Variants in XKR4 observed in about 807,000 individuals in gnomAD.
XKR4 encodes XK related 4.
In XKR4, 12 loss-of-function variants were observed where a neutral mutation model predicts 53.9. The observed-to-expected ratio is 0.22, with a 90% CI of 0.14 to 0.36. The LOEUF (loss-of-function observed/expected upper bound fraction) is 0.36. Ranked by LOEUF, XKR4 falls within the 10% of genes least tolerant of loss-of-function variation. The pLI is 1.00. For synonymous variants in XKR4, 354 were observed against 362.4 expected, an observed-to-expected ratio of 0.98 and a Z score of 0.26; for missense variants, 799 against 859.5, an observed-to-expected ratio of 0.93 and a Z score of 0.88.
intron 1 of XKR4, among the ~76,000 whole-genome samples, chr8:55,264,689 A>C (rs1818574009): frequency 6.6e-6 from 1 of 152,254 alleles, no homozygotes; most frequent in Non-Finnish European, 1.5e-5. Context: ...CTTAAGGCAG[A>C]AACCCTCACA....
At chr8:55,171,982 G>A (rs146556655) in intron 1 of XKR4, among the ~76,000 whole-genome samples, 148 of 152,188 alleles carry the variant, frequency 9.7e-4, no homozygotes, top group African/African-American at 3.3e-3. Flanking sequence ...CCCTGGCCGA[G>A]GCAGGCAGAT....
intron 1 of XKR4, among the ~76,000 whole-genome samples, chr8:55,175,258 A>T (rs182159210): frequency 1.3e-5 from 2 of 152,344 alleles, no homozygotes; most frequent in Non-Finnish European, 2.9e-5. Context: ...AGATATTTTA[A>T]TGAGAAGCTT....
intron 1 of XKR4, among the ~76,000 whole-genome samples, chr8:55,211,201 CAGTT>C (rs1292682586): frequency 3.3e-5 from 5 of 152,198 alleles, no homozygotes; most frequent in Non-Finnish European, 7.3e-5. Flanking sequence ...AACTATTAGT[CAGTT>C]AGAGACAATT....
At chr8:55,224,225 T>C (rs1817922871) in intron 1 of XKR4, among the ~76,000 whole-genome samples, 1 of 152,188 alleles carries the variant, frequency 6.6e-6, no homozygotes, top group African/African-American at 2.4e-5. Flanking sequence ...TCATTTTCCC[T>C]GAGATATTAA....
chr8:55,512,838 C>G (rs994100731), intron 2 of XKR4, among the ~76,000 whole-genome samples: 2 of 152,078 alleles, frequency 1.3e-5, no homozygotes, highest in Admixed American at 6.5e-5. Context: ...AGAAACTCTC[C>G]CACCACAGGT....
intron 2 of XKR4, chr8:55,453,364 G>A (rs1189934618): frequency 1.3e-5 from 6 of 462,106 alleles, no homozygotes; most frequent in Admixed American, 9.5e-5. Context: ...GCACATGCAG[G>A]TACAGTTCCC....
At chr8:55,398,082 C>A (rs987645800) in intron 2 of XKR4, among the ~76,000 whole-genome samples, 1 of 152,192 alleles carries the variant, frequency 6.6e-6, no homozygotes, top group African/African-American at 2.4e-5. Context: ...TTTTTATATA[C>A]AGAATAAAAC....
chr8:55,213,737 T>A (rs1456271469), intron 1 of XKR4, among the ~76,000 whole-genome samples: 1 of 152,038 alleles, frequency 6.6e-6, no homozygotes, highest in East Asian at 1.9e-4. Context: ...AGGTTAGAAG[T>A]AAGATGGACT....
intron 2 of XKR4, chr8:55,451,368 G>T: frequency 1.4e-6 from 1 of 700,610 alleles, no homozygotes; most frequent in Non-Finnish European, 2.5e-6. Flanking sequence ...GACTCCCCAC[G>T]TGGGCTGAGG....
chr8:55,221,833 G>C (rs1288254187), intron 1 of XKR4, among the ~76,000 whole-genome samples: 1 of 152,158 alleles, frequency 6.6e-6, no homozygotes, highest in African/African-American at 2.4e-5. Flanking sequence ...TGACACCAAT[G>C]GTTGGACACT....
intron 1 of XKR4, among the ~76,000 whole-genome samples, chr8:55,149,632 G>A (rs940692738): frequency 3.3e-4 from 50 of 152,222 alleles, no homozygotes; most frequent in African/African-American, 1.1e-3. Context: ...TGGGAAGAGC[G>A]TTTCAGAAGA....
At chr8:55,326,726 C>T (rs975066258) in intron 1 of XKR4, among the ~76,000 whole-genome samples, 2 of 151,906 alleles carry the variant, frequency 1.3e-5, no homozygotes, top group African/African-American at 4.8e-5. Context: ...TCACCTCGGC[C>T]TCCCAAAGTG....
At chr8:55,164,479 C>T (rs1232357842) in intron 1 of XKR4, 1 of 455,908 alleles carries the variant, frequency 2.2e-6, no homozygotes, top group South Asian at 1.5e-5. Flanking sequence ...TGGGTATTCT[C>T]CACAGCTGCA....
At chr8:55,488,663 G>GAGGTTAGGGGGCTGACAAGGATGAATA (rs142653320) in intron 2 of XKR4, among the ~76,000 whole-genome samples, 8 of 63,570 alleles carry the variant, frequency 1.3e-4, no homozygotes, top group African/African-American at 3.2e-4. Flanking sequence ...ATGGTGGCCG[G>GAGGTTAGGGGGCTGACAAGGATGAATA]GCGCGGTGGC....
intron 1 of XKR4, among the ~76,000 whole-genome samples, chr8:55,206,375 A>C (rs1244920492): frequency 2.6e-5 from 4 of 152,102 alleles, no homozygotes; most frequent in Non-Finnish European, 4.4e-5. Flanking sequence ...GTGTGCTTAC[A>C]ATCCTCTAGC....
intron 2 of XKR4, among the ~76,000 whole-genome samples, chr8:55,364,596 T>G (rs1803948982): frequency 6.6e-6 from 1 of 152,138 alleles, no homozygotes; most frequent in Admixed American, 6.5e-5. Context: ...TTCGTTTGGT[T>G]GGCTGGGTTT....
At chr8:55,142,792 C>T (rs143276486) in intron 1 of XKR4, among the ~76,000 whole-genome samples, 2 of 152,302 alleles carry the variant, frequency 1.3e-5, no homozygotes, top group Non-Finnish European at 2.9e-5. Flanking sequence ...TGCATGTATG[C>T]GTGATGTGTA....
chr8:55,202,681 G>A (rs949252394), intron 1 of XKR4, among the ~76,000 whole-genome samples: 6 of 152,322 alleles, frequency 3.9e-5, no homozygotes, highest in South Asian at 2.1e-4. Flanking sequence ...TGTAACTTTC[G>A]AGATATTGGA....
At chr8:55,247,835 TTTTCTTTC>T (rs374604470) in intron 1 of XKR4, among the ~76,000 whole-genome samples, 2 of 65,144 alleles carry the variant, frequency 3.1e-5, no homozygotes, top group African/African-American at 6.8e-5. Flanking sequence ...TAATTTTTCT[TTTTCTTTC>T]TTTCTTTCTT....
Sources: allele counts gnomAD v4.1 joint callset (sites outside exome capture counted in the v4.1 genomes callset), GRCh38; gene constraint gnomAD v4.1.1; transcripts MANE v1.5; gene names NCBI Gene and HGNC (gene_info 2026-07-23, HGNC 2026-07-21).